The following EHD3 variants were observed in gnomAD, a reference collection of about 807,000 sequenced individuals.
EHD3 encodes EH domain containing 3, also known as EH domain-containing protein 3.
EHD3 carries 17 observed loss-of-function variants against 43.0 expected under a neutral mutation model. The observed-to-expected ratio is 0.40, with a 90% CI of 0.27 to 0.59. The LOEUF is 0.59. Among genes scored for constraint, EHD3 ranks in the 20% least tolerant of loss-of-function variants. The pLI, the probability that EHD3 is intolerant of heterozygous loss-of-function variation, is 0.49. For synonymous variants in EHD3, 313 were observed against 289.5 expected (o/e 1.08, Z -0.82); for missense variants, 594 against 705.6 (o/e 0.84, Z 1.79).
intron 5 of EHD3, among the ~76,000 whole-genome samples, chr2:31,265,752 C>G (rs1019847907): frequency 3.9e-5 from 6 of 152,072 alleles, no homozygotes; most frequent in African/African-American, 1.4e-4. Flanking sequence ...TACAGTATAA[C>G]CCTTATTAAA....
In EHD3 at chr2:31,240,447, G is replaced by T. The variant is rs557434509; in HGVS notation, c.228-3827G>T. On this transcript the variant is annotated intron_variant, in intron 1 of 5. Coordinates refer to ENST00000322054, the MANE Select transcript of EHD3 (RefSeq NM_014600.3). The stretch of plus-strand genomic sequence containing the variant: ...TGGCTTTGTTACAGGGGCACCTGCT[G>T]CTGTAAGCCATACCCAAATGTCCCT... Among the ~76,000 whole-genome samples, 27 of 152,310 alleles carry T rather than the reference G, an allele frequency of 1.8e-4. 1 individual carries two copies. In the South Asian group the frequency reaches 3.1e-3, roughly 18 times the overall value.
intron 3 of EHD3, among the ~76,000 whole-genome samples, chr2:31,254,663 C>T (rs1335801057): frequency 2.0e-5 from 3 of 152,076 alleles, no homozygotes; most frequent in South Asian, 2.1e-4. Flanking sequence ...ATGTACCCAC[C>T]GCAAGTAAGT....
At chr2:31,246,338 G>C (rs962986739) in intron 2 of EHD3, among the ~76,000 whole-genome samples, 13 of 152,176 alleles carry the variant, frequency 8.5e-5, no homozygotes, top group Admixed American at 3.3e-4. Flanking sequence ...TCTGAGCAAG[G>C]GGGTAGGCAA....
intron 3 of EHD3, among the ~76,000 whole-genome samples, chr2:31,249,777 T>C (rs1424108621): frequency 1.3e-5 from 2 of 152,194 alleles, no homozygotes; most frequent in Non-Finnish European, 2.9e-5. Context: ...GCACCTTCCA[T>C]GGCCCTGATC....
intron 2 of EHD3, among the ~76,000 whole-genome samples, chr2:31,245,526 CAAATAT>C (rs1683498598): frequency 1.4e-5 from 1 of 71,638 alleles, no homozygotes; most frequent in Non-Finnish European, 2.6e-5. Context: ...TCTCTTATCC[CAAATAT>C]ATATATATAT....
At chr2:31,238,965 T>C (rs983871262) in intron 1 of EHD3, among the ~76,000 whole-genome samples, 1 of 152,232 alleles carries the variant, frequency 6.6e-6, no homozygotes, top group Middle Eastern at 3.4e-3. Flanking sequence ...CCTTCTATCG[T>C]GTGACTTGGA....
At position 31,245,553 on chromosome 2, in the gene EHD3, A is replaced by AT. The variant is rs1227122252; in HGVS notation, c.404+1125dup. 8.3e-3 allele frequency among the ~76,000 whole-genome samples: 292 copies of AT among 35,070 alleles called. 9 individuals carry two copies. The highest frequency in any genetic ancestry group is 0.015 in the South Asian group (11 of 710). The allele number at this position is 35,070 out of a possible 152,430, so 23.0% of individuals were successfully genotyped here. ...AATATATATATATATATATATATAT[A>AT]TTTTTTTTTTTTTTTTTTTTTTGAT... On this transcript the variant is annotated intron_variant, in intron 2 of 5. Coordinates refer to ENST00000322054, the MANE Select transcript of EHD3 (RefSeq NM_014600.3).
At chr2:31,259,519 C>G (rs1683808129) in intron 3 of EHD3, among the ~76,000 whole-genome samples, 1 of 152,178 alleles carries the variant, frequency 6.6e-6, no homozygotes. Flanking sequence ...CTCCTGTAAC[C>G]AGTCTGACCT....
Position 31,266,813 on chromosome 2 carries a change from T to G in EHD3, c.*109T>G. The G allele has an allele frequency of 7.6e-7, 1 of 1,323,376 alleles. No individual in the cohort carries two copies. Among genetic ancestry groups the G allele is most frequent in the South Asian group, 1.5e-5 (1 of 67,952 alleles). 82.0% of individuals were successfully genotyped at this position (1,323,376 alleles called of 1,614,324 possible). A position where few individuals can be genotyped will look rare whatever the true frequency, so the allele number is the denominator to read the frequency against. ...ACACACAAACATGCACACACACATA[T>G]GCATATCTTGACATTGCTCTGTAGG... is the stretch of plus-strand genomic sequence containing the variant. On this transcript the variant is annotated 3_prime_UTR_variant, in exon 6 of 6. Transcript: ENST00000322054. This position sits in a 1 kb window ranked among gnomAD's most constrained non-coding sequence, Gnocchi z 5.1.
Position 31,266,764 on chromosome 2 carries a change from AC to A in EHD3, c.*61del. 1 of 747,550 alleles carries A rather than the reference AC, an allele frequency of 1.3e-6. No individual in the cohort carries two copies. The highest frequency in any genetic ancestry group is 1.7e-6 in the Non-Finnish European group (1 of 573,142). 46.3% of individuals were successfully genotyped at this position (747,550 alleles called of 1,614,324 possible). ...AGGAGGAGATGGGAGCGGTGACTACACACACACACACACACACACACACACA... is the reference window on the plus strand; with the variant it reads ...AGGAGGAGATGGGAGCGGTGACTACAACACACACACACACACACACACACA... On this transcript the variant is annotated 3_prime_UTR_variant, in exon 6 of 6. Transcript: ENST00000322054. The surrounding 1 kb of genome is among the most constrained non-coding windows in gnomAD (Gnocchi z 5.1).
At position 31,266,781 on chromosome 2, in the gene EHD3, CACACACACACACAA is replaced by C; in HGVS notation, c.*81_*94del. 7.2e-7 allele frequency: 1 copy of C among 1,389,928 alleles called. No homozygotes were observed. The highest frequency in any genetic ancestry group is 9.7e-7 in the Non-Finnish European group (1 of 1,026,512). 86.1% of individuals were successfully genotyped at this position (1,389,928 alleles called of 1,614,324 possible). A position where few individuals can be genotyped will look rare whatever the true frequency, so the allele number is the denominator to read the frequency against. On this transcript the variant is annotated 3_prime_UTR_variant, in exon 6 of 6. Coordinates refer to ENST00000322054, the MANE Select transcript of EHD3 (RefSeq NM_014600.3). The surrounding 1 kb of genome is among the most constrained non-coding windows in gnomAD (Gnocchi z 5.1). Reference sequence around the variant, plus strand: ...GTGACTACACACACACACACACACACACACACACACACAAACATGCACACACACATATGCATATC... The same window carrying C: ...GTGACTACACACACACACACACACACACATGCACACACACATATGCATATC...
intron 2 of EHD3, among the ~76,000 whole-genome samples, 166 bp from the exon 3 acceptor site, chr2:31,249,205 G>C (rs1295887475): frequency 6.6e-6 from 1 of 152,180 alleles, no homozygotes; most frequent in Non-Finnish European, 1.5e-5. Flanking sequence ...GTTCAGCCCC[G>C]GGTCAGCTGT....
Position 31,260,388 on chromosome 2 carries a change from C to A in EHD3, c.503-122C>A. 1 of 990,700 alleles carries A rather than the reference C, an allele frequency of 1.0e-6. No individual in the cohort carries two copies. Among genetic ancestry groups the A allele is most frequent in the Non-Finnish European group, 1.4e-6 (1 of 702,608 alleles). The allele number at this position is 990,700 out of a possible 1,614,324, so 61.4% of individuals were successfully genotyped here. ...TCCAAACAGTTAAAATGTGGAGGAG[C>A]CAGGATTTAAACTTAGATCTGACTC... On this transcript the variant is annotated intron_variant, in intron 3 of 5. Transcript: ENST00000322054. The surrounding 1 kb of genome is among the most constrained non-coding windows in gnomAD (Gnocchi z 4.6).
At chr2:31,257,934 G>A (rs114510119) in intron 3 of EHD3, among the ~76,000 whole-genome samples, 1,825 of 152,256 alleles carry the variant, frequency 0.012, 14 homozygotes, top group Non-Finnish European at 0.02. Flanking sequence ...ATGGCACCTG[G>A]AGATACTGGG....
chr2:31,263,408 A>G (rs1683889415), intron 5 of EHD3, among the ~76,000 whole-genome samples: 1 of 152,222 alleles, frequency 6.6e-6, no homozygotes, highest in South Asian at 2.1e-4. Flanking sequence ...CTGCAGTTCA[A>G]TATGCTGAAT....
At chr2:31,254,106 G>A (rs181103849) in intron 3 of EHD3, among the ~76,000 whole-genome samples, 5 of 152,298 alleles carry the variant, frequency 3.3e-5, no homozygotes, top group African/African-American at 1.2e-4. Flanking sequence ...GCTCAGTAAG[G>A]CCAGAGCAGG....
intron 2 of EHD3, among the ~76,000 whole-genome samples, chr2:31,247,054 G>A (rs1373224502): frequency 6.6e-6 from 1 of 151,984 alleles, no homozygotes; most frequent in African/African-American, 2.4e-5. Flanking sequence ...GCGCCACCAC[G>A]CCTGGCTAAT....
intron 2 of EHD3, among the ~76,000 whole-genome samples, chr2:31,247,079 T>C (rs1418775679): frequency 6.6e-6 from 1 of 152,118 alleles, no homozygotes; most frequent in Admixed American, 6.5e-5. Context: ...GTATTTTTAG[T>C]AGAGACAGGG....
At chr2:31,257,566 C>G (rs973834650) in intron 3 of EHD3, among the ~76,000 whole-genome samples, 1 of 152,174 alleles carries the variant, frequency 6.6e-6, no homozygotes, top group Non-Finnish European at 1.5e-5. Flanking sequence ...CCTCAGTTTC[C>G]TCCCCTGGAA....
Sources: gnomAD v4.1 joint callset for allele counts (sites outside exome capture counted in the v4.1 genomes callset) on GRCh38, gnomAD v4.1.1 for gene constraint, Gnocchi (gnomAD v3.1) non-coding constraint, MANE v1.5 for transcripts, NCBI Gene and HGNC (gene_info 2026-07-23, HGNC 2026-07-21) for gene names.